The following SSH2 variants were observed in gnomAD, a reference collection of about 807,000 sequenced individuals.
The protein encoded by SSH2 is protein phosphatase Slingshot homolog 2.
SSH2 carries 37 observed loss-of-function variants against 135.2 expected under a neutral mutation model. The observed-to-expected ratio is 0.27, with a 90% CI of 0.21 to 0.36. SSH2 has a LOEUF of 0.36. Among genes scored for constraint, SSH2 ranks in the 10% least tolerant of loss-of-function variants. The pLI is 1.00. For synonymous variants in SSH2, 628 were observed against 646.2 expected (o/e 0.97, Z 0.43); for missense variants, 1,408 against 1,765.3 (o/e 0.80, Z 3.63).
chr17:29,642,872 A>C (rs2036222093), intron 14 of SSH2, among the ~76,000 whole-genome samples: 1 of 152,220 alleles, frequency 6.6e-6, no homozygotes, highest in Non-Finnish European at 1.5e-5. Context: ...CAAAGCACTA[A>C]GTGAATGCCC....
At chr17:29,681,133 T>C (rs1010542488) in intron 6 of SSH2, among the ~76,000 whole-genome samples, 1 of 151,624 alleles carries the variant, frequency 6.6e-6, no homozygotes, top group Non-Finnish European at 1.5e-5. Flanking sequence ...GAGGTCGAGA[T>C]AGAGACCATC....
At chr17:29,857,640 C>T (rs2065686536) in intron 1 of SSH2, among the ~76,000 whole-genome samples, 1 of 152,116 alleles carries the variant, frequency 6.6e-6, no homozygotes, top group Non-Finnish European at 1.5e-5. Context: ...AAAATTACCA[C>T]ACCCAGGTAA....
intron 1 of SSH2, among the ~76,000 whole-genome samples, chr17:29,918,050 C>T (rs978161351): frequency 3.3e-5 from 5 of 151,702 alleles, no homozygotes; most frequent in Non-Finnish European, 7.4e-5. Flanking sequence ...GGCATGGTGG[C>T]GTGAGCATCT....
At chr17:29,771,882 C>T (rs1418365040) in intron 3 of SSH2, among the ~76,000 whole-genome samples, 15 of 152,136 alleles carry the variant, frequency 9.9e-5, no homozygotes, top group Non-Finnish European at 2.9e-5. Flanking sequence ...TCTTTCTTCT[C>T]TGAAATCAGG....
intron 1 of SSH2, among the ~76,000 whole-genome samples, chr17:29,856,864 A>G (rs895904826): frequency 1.3e-5 from 2 of 152,180 alleles, no homozygotes; most frequent in African/African-American, 4.8e-5. Context: ...TGCCTTTTAA[A>G]CTTAGTATCT....
chr17:29,730,193 G>A lies in SSH2; in HGVS notation c.189-27131C>T, dbSNP rs1040603604. On this transcript the variant is annotated intron_variant, in intron 3 of 15. Transcript: ENST00000540801. The stretch of plus-strand genomic sequence containing the variant: ...AAAAATTAGTTGAGTGTGGTTGCAC[G>A]TGCCTGTGGTCCCTGCTACTTGGGA... Among the ~76,000 whole-genome samples the A allele has an allele frequency of 4.0e-5, 6 of 151,540 alleles. No individual in the cohort carries two copies. The East Asian group carries it at 7.7e-4, about 19-fold the overall frequency.
intron 3 of SSH2, among the ~76,000 whole-genome samples, chr17:29,774,334 G>C (rs1295281109): frequency 6.6e-6 from 1 of 151,842 alleles, no homozygotes; most frequent in Non-Finnish European, 1.5e-5. Flanking sequence ...GCGGGATCTT[G>C]GCTCACTGCA....
At chr17:29,879,422 T>A (rs1403662456) in intron 1 of SSH2, among the ~76,000 whole-genome samples, 2 of 151,448 alleles carry the variant, frequency 1.3e-5, no homozygotes, top group African/African-American at 4.9e-5. Context: ...CGCTTTTAGG[T>A]TCACAGCAAA....
At chr17:29,767,722 T>C (rs2041481378) in intron 3 of SSH2, among the ~76,000 whole-genome samples, 1 of 152,124 alleles carries the variant, frequency 6.6e-6, no homozygotes, top group African/African-American at 2.4e-5. Flanking sequence ...TTCCATGTTA[T>C]TGTAAGTCTC....
In SSH2 at chr17:29,667,145, A is replaced by G. The variant is rs1488473149; in HGVS notation, c.888T>C (p.Asn296=). 8 of 1,612,564 alleles carry G rather than the reference A, an allele frequency of 5.0e-6. No homozygotes were observed. Among genetic ancestry groups the G allele is most frequent in the Middle Eastern group, 1.6e-4 (1 of 6,062 alleles). Residue 296 remains asparagine (N), a synonymous_variant, in exon 10 of 16, where the codon AAT becomes AAC. Transcript: ENST00000540801. ...GGTCTCTTACCTCTTTGGATGTAAT[A>G]TTCTCCAAATCCTTCTGCATCATGA... The part of the protein sequence containing the change: ...REIMMQKDLE[N]ITSKEIRTEL...
intron 2 of SSH2, among the ~76,000 whole-genome samples, chr17:29,825,355 A>G (rs184412304): frequency 5.3e-5 from 8 of 152,332 alleles, no homozygotes; most frequent in Admixed American, 3.9e-4. Context: ...CAATACAAAG[A>G]TTATAATAAT....
intron 3 of SSH2, 144 bp from the exon 4 acceptor site, chr17:29,703,206 G>T (rs1227865601): frequency 1.4e-5 from 9 of 631,592 alleles, no homozygotes; most frequent in Non-Finnish European, 2.9e-6. Context: ...AAGAGAGGCT[G>T]TGGTTACTCA....
At chr17:29,913,883 C>T (rs1216820088) in intron 1 of SSH2, among the ~76,000 whole-genome samples, 1 of 152,086 alleles carries the variant, frequency 6.6e-6, no homozygotes, top group African/African-American at 2.4e-5. Flanking sequence ...ATCCGCCCGC[C>T]TCAGCCTCCC....
chr17:29,790,794 T>A (rs1257754729), intron 3 of SSH2, among the ~76,000 whole-genome samples: 1 of 151,314 alleles, frequency 6.6e-6, no homozygotes, highest in Non-Finnish European at 1.5e-5. Context: ...AGTGGCGCAA[T>A]CTCAGCTCAC....
intron 1 of SSH2, among the ~76,000 whole-genome samples, chr17:29,899,033 C>G (rs944336648): frequency 6.6e-6 from 1 of 152,000 alleles, no homozygotes; most frequent in African/African-American, 2.4e-5. Context: ...AAAAACCACA[C>G]GATTATCTCA....
At chr17:29,788,327 CTGA>C (rs1355907170) in intron 3 of SSH2, among the ~76,000 whole-genome samples, 3 of 152,236 alleles carry the variant, frequency 2.0e-5, no homozygotes, top group Admixed American at 2.0e-4. Flanking sequence ...GAACAAAAGG[CTGA>C]ATAAGGGAGA....
intron 3 of SSH2, among the ~76,000 whole-genome samples, chr17:29,791,449 A>C (rs915118998): frequency 2.0e-5 from 3 of 152,156 alleles, no homozygotes; most frequent in Admixed American, 6.5e-5. Flanking sequence ...AGTTTTAATG[A>C]TATGCTGTTT....
chr17:29,779,314 C>G (rs1326464844), intron 3 of SSH2, among the ~76,000 whole-genome samples: 1 of 152,188 alleles, frequency 6.6e-6, no homozygotes, highest in African/African-American at 2.4e-5. Context: ...AAAATTCTTA[C>G]TGCTGTTAAG....
Position 29,648,326 on chromosome 17 carries a change from G to A in SSH2, c.1245C>T (p.Cys415=). 1 of 1,609,416 alleles carries A rather than the reference G, an allele frequency of 6.2e-7. No individual in the cohort carries two copies. Among genetic ancestry groups the A allele is most frequent in the South Asian group, 1.1e-5 (1 of 90,738 alleles). Residue 415 remains cysteine, a synonymous_variant, in exon 14 of 16, where the codon TGC becomes TGT. Transcript: ENST00000540801. ...ISKAKKHGSK[C]LVHCKMGVSR... ...TCACCCCCATTTTGCAGTGCACAAG[G>A]CATTTAGATCCATGTTTCCTTGTTT...
Sources: gnomAD v4.1 joint callset for allele counts (sites outside exome capture counted in the v4.1 genomes callset) on GRCh38, gnomAD v4.1.1 for gene constraint, MANE v1.5 for transcripts, NCBI Gene and HGNC (gene_info 2026-07-23, HGNC 2026-07-21) for gene names.